SPATA13: variants seen among roughly 807,000 people sequenced by gnomAD.
SPATA13 encodes the protein spermatogenesis-associated protein 13.
A neutral mutation model predicts 104.0 loss-of-function variants in SPATA13; 50 were observed. The ratio of observed to expected loss-of-function variants is 0.48; its 90% CI spans 0.38 to 0.61. The LOEUF (loss-of-function observed/expected upper bound fraction) is 0.61. Among genes scored for constraint, SPATA13 ranks in the 20% least tolerant of loss-of-function variants. The pLI, the probability that SPATA13 is intolerant of heterozygous loss-of-function variation, is 0.00. For missense variants in SPATA13, 1,524 were observed against 1,690.6 expected (o/e 0.90, Z 1.73); for synonymous variants, 606 against 667.5 (o/e 0.91, Z 1.42).
intron 3 of SPATA13, among the ~76,000 whole-genome samples, chr13:24,134,373 C>G (rs1427435205): frequency 6.6e-6 from 1 of 152,198 alleles, no homozygotes; most frequent in African/African-American, 2.4e-5. Context: ...GTGCGCTGCT[C>G]AGGGCATCGA....
Position 24,264,142 on chromosome 13 carries a change from CT to C in SPATA13, c.2164+12289del, listed in dbSNP as rs960805556. Among the ~76,000 whole-genome samples the C allele has an allele frequency of 2.0e-3, 309 of 151,680 alleles. 2 individuals are homozygous for C. Among genetic ancestry groups the C allele is most frequent in the African/African-American group, 6.7e-3 (279 of 41,392 alleles). On this transcript the variant is annotated intron_variant, in intron 4 of 12. Transcript: ENST00000382108. ...TCTCAGAAAAACATAAAGTATTAAA[CT>C]TTTTTTTTAGCAAGCTCATGAAATT... is the stretch of plus-strand genomic sequence containing the variant.
At chr13:24,142,943 CTCCA>C (rs1881809901) in intron 3 of SPATA13, among the ~76,000 whole-genome samples, 1 of 152,196 alleles carries the variant, frequency 6.6e-6, no homozygotes, top group Non-Finnish European at 1.5e-5. Context: ...TGAAGCAGCT[CTCCA>C]TCCATGCCTG....
intron 1 of SPATA13, among the ~76,000 whole-genome samples, chr13:24,180,554 G>A (rs888223387): frequency 6.6e-6 from 1 of 152,200 alleles, no homozygotes; most frequent in African/African-American, 2.4e-5. Flanking sequence ...TGATAGGATT[G>A]TACTGAATCT....
chr13:24,293,690 G>A (rs12871737), intron 9 of SPATA13, among the ~76,000 whole-genome samples: 11,468 of 152,216 alleles, frequency 0.075, 553 homozygotes, highest in Middle Eastern at 0.13. Context: ...GGCCTCTTTG[G>A]GGGCTCTGTG....
At chr13:24,001,762 G>C (rs1875981648) in intron 2 of SPATA13, among the ~76,000 whole-genome samples, 1 of 152,036 alleles carries the variant, frequency 6.6e-6, no homozygotes, top group South Asian at 2.1e-4. Flanking sequence ...GGTTGAAGAA[G>C]TAAAAAGAGT....
chr13:24,050,476 C>T (rs545093959), intron 3 of SPATA13, among the ~76,000 whole-genome samples: 5 of 152,192 alleles, frequency 3.3e-5, no homozygotes, highest in East Asian at 1.9e-4. Context: ...GTATAGGATT[C>T]GAGACCCAGG....
chr13:24,123,222 C>A, intron 3 of SPATA13: 1 of 1,585,048 alleles, frequency 6.3e-7, no homozygotes. Flanking sequence ...TTCTTGATTG[C>A]TGATCAATAC....
At chr13:24,157,596 G>C (rs929462666), upstream of SPATA13, among the ~76,000 whole-genome samples, 1 of 152,188 alleles carries the variant, frequency 6.6e-6, no homozygotes, top group Non-Finnish European at 1.5e-5. Flanking sequence ...CACGTGCCCG[G>C]CTGGTAACTC....
At chr13:24,046,277 A>G (rs1878138916) in intron 3 of SPATA13, among the ~76,000 whole-genome samples, 1 of 142,332 alleles carries the variant, frequency 7.0e-6, no homozygotes, top group African/African-American at 2.6e-5. Flanking sequence ...CCTGACTTCT[A>G]ACACCATAGA....
At chr13:24,082,259 G>A (rs547511479) in intron 3 of SPATA13, among the ~76,000 whole-genome samples, 3 of 152,354 alleles carry the variant, frequency 2.0e-5, no homozygotes, top group South Asian at 2.1e-4. Context: ...TCATAAGCAC[G>A]TAAGTGTTCT....
intron 3 of SPATA13, among the ~76,000 whole-genome samples, chr13:24,104,882 T>A (rs1178477822): frequency 6.6e-6 from 1 of 152,222 alleles, no homozygotes; most frequent in East Asian, 1.9e-4. Context: ...CCAGAGGCCA[T>A]GCCAAACCCT....
chr13:24,272,512 T>G (rs1308422925), intron 4 of SPATA13, among the ~76,000 whole-genome samples: 1 of 152,026 alleles, frequency 6.6e-6, no homozygotes, highest in Non-Finnish European at 1.5e-5. Context: ...TTCTTTCCTT[T>G]GAGAGCTCTG....
In SPATA13 at chr13:24,121,292, A is replaced by G. The variant is rs374873186; in HGVS notation, c.-111-101527A>G. Among the ~76,000 whole-genome samples, 15 of 152,314 alleles carry G rather than the reference A, an allele frequency of 9.8e-5. No homozygotes were observed. In the South Asian group the frequency reaches 1.5e-3, roughly 15 times the overall value. ...CATACCGAATTCAAGTCACTATCAGAGGTGAGCGCACCACAAAGTCAGCAG... is the reference window on the plus strand; with the variant it reads ...CATACCGAATTCAAGTCACTATCAGGGGTGAGCGCACCACAAAGTCAGCAG... On this transcript the variant is annotated intron_variant, in intron 3 of 14. Coordinates refer to the SPATA13 transcript ENST00000424834.
At chr13:24,281,254 C>T (rs867439957) in intron 4 of SPATA13, among the ~76,000 whole-genome samples, 4 of 152,236 alleles carry the variant, frequency 2.6e-5, no homozygotes, top group East Asian at 1.9e-4. Context: ...CCTCCAACCC[C>T]GTCTCTTGGT....
At chr13:24,264,939 A>G (rs1874225462) in intron 4 of SPATA13, among the ~76,000 whole-genome samples, 1 of 152,166 alleles carries the variant, frequency 6.6e-6, no homozygotes, top group South Asian at 2.1e-4. Context: ...AGGGTGGGAT[A>G]TTGAGTAGGG....
At chr13:24,182,174 T>C (rs896182569) in intron 1 of SPATA13, among the ~76,000 whole-genome samples, 1 of 152,174 alleles carries the variant, frequency 6.6e-6, no homozygotes, top group East Asian at 1.9e-4. Flanking sequence ...TAAAAATCTG[T>C]TTCCAGTTAG....
intron 1 of SPATA13, among the ~76,000 whole-genome samples, chr13:24,206,855 G>T (rs1870726556): frequency 6.9e-6 from 1 of 145,914 alleles, no homozygotes; most frequent in Admixed American, 7.0e-5. Context: ...TTGTGCTATT[G>T]CACTCCAGCC....
At chr13:24,033,959 C>G (rs1877581878) in intron 3 of SPATA13, 1 of 152,196 alleles carries the variant, frequency 6.6e-6, no homozygotes, top group Non-Finnish European at 1.5e-5. Context: ...TAGCAAGTCA[C>G]TATTTATGGA....
At chr13:24,098,581 A>G (rs187804598) in intron 3 of SPATA13, among the ~76,000 whole-genome samples, 163 of 138,138 alleles carry the variant, frequency 1.2e-3, no homozygotes, top group Non-Finnish European at 2.1e-3. Context: ...TAGGAGATAG[A>G]GTGAGACTGT....
Sources: allele counts gnomAD v4.1 joint callset (sites outside exome capture counted in the v4.1 genomes callset), GRCh38; gene constraint gnomAD v4.1.1; transcripts MANE v1.5; gene names NCBI Gene and HGNC (gene_info 2026-07-23, HGNC 2026-07-21).